The following CELF4 variants were observed in gnomAD, a reference collection of about 807,000 sequenced individuals.
The protein encoded by CELF4 is CUGBP Elav-like family member 4, also known as CUG-BP- and ETR-3-like factor 4.
CELF4 carries 18 observed loss-of-function variants against 59.9 expected under a neutral mutation model. The ratio of observed to expected loss-of-function variants is 0.30; its 90% CI spans 0.21 to 0.45. CELF4 has a LOEUF of 0.45. CELF4 is among the 20% of genes least tolerant of loss of function. The pLI, the probability that CELF4 is intolerant of heterozygous loss-of-function variation, is 1.00. For missense variants in CELF4, 456 were observed against 689.0 expected, an observed-to-expected ratio of 0.66 and a Z score of 3.79; for synonymous variants, 261 against 267.1, an observed-to-expected ratio of 0.98 and a Z score of 0.22.
intron 2 of CELF4, among the ~76,000 whole-genome samples, chr18:37,417,037 G>A (rs554221587): frequency 6.6e-6 from 1 of 151,316 alleles, no homozygotes; most frequent in African/African-American, 2.4e-5. Flanking sequence ...AGGAATGAAA[G>A]GAAATCATTA....
intron 2 of CELF4, among the ~76,000 whole-genome samples, chr18:37,456,227 T>C (rs1483158556): frequency 1.3e-5 from 2 of 152,094 alleles, no homozygotes; most frequent in Non-Finnish European, 2.9e-5. Flanking sequence ...GTCTGGCCTT[T>C]TGCTTCTGAG....
chr18:37,326,320 CTT>C (rs1436798251), intron 2 of CELF4, among the ~76,000 whole-genome samples: 1 of 152,188 alleles, frequency 6.6e-6, no homozygotes, highest in Non-Finnish European at 1.5e-5. Context: ...CTTCTTGTAA[CTT>C]TGCCCCCTGG....
At chr18:37,319,556 G>A (rs2097012931) in intron 3 of CELF4, among the ~76,000 whole-genome samples, 1 of 152,192 alleles carries the variant, frequency 6.6e-6, no homozygotes, top group Admixed American at 6.5e-5. Context: ...GGGGCTGGAG[G>A]GCAGAGGCCT....
intron 3 of CELF4, among the ~76,000 whole-genome samples, chr18:37,277,005 C>A (rs1180629668): frequency 6.6e-6 from 1 of 152,180 alleles, no homozygotes; most frequent in Non-Finnish European, 1.5e-5. Flanking sequence ...GAACCCCCAC[C>A]TTGCCCAAAT....
chr18:37,395,333 G>A (rs1398874478), intron 2 of CELF4, among the ~76,000 whole-genome samples: 1 of 151,982 alleles, frequency 6.6e-6, no homozygotes, highest in South Asian at 2.1e-4. Flanking sequence ...CTGCTCCCAC[G>A]GCGGGCTGGG....
At chr18:37,251,112 C>T (rs1025811335) in intron 12 of CELF4, among the ~76,000 whole-genome samples, 1 of 152,100 alleles carries the variant, frequency 6.6e-6, no homozygotes, top group Non-Finnish European at 1.5e-5. Context: ...GATGGGCAAG[C>T]TACTTAATCT....
chr18:37,266,153 C>A (rs921446674), intron 9 of CELF4: 2 of 367,242 alleles, frequency 5.4e-6, no homozygotes, highest in African/African-American at 4.2e-5. Context: ...GACTGTGGCC[C>A]ATGGTGGGCA....
chr18:37,300,558 C>T (rs1282241503), intron 3 of CELF4, among the ~76,000 whole-genome samples: 1 of 152,144 alleles, frequency 6.6e-6, no homozygotes, highest in Non-Finnish European at 1.5e-5. Context: ...CCCTGTGGGT[C>T]CCTGTCCTGC....
At chr18:37,475,775 A>T (rs1251097667) in intron 2 of CELF4, among the ~76,000 whole-genome samples, 1 of 152,196 alleles carries the variant, frequency 6.6e-6, no homozygotes, top group African/African-American at 2.4e-5. Flanking sequence ...ATCTCCAGAC[A>T]CATTTTCCCT....
chr18:37,398,442 C>G lies in CELF4; in HGVS notation c.370-76561G>C, dbSNP rs112482849. On this transcript the variant is annotated intron_variant, in intron 2 of 12. Transcript: ENST00000420428. ...TAGCTGCTCCATGATGTGGTTCTGG[C>G]ACGTGAGGGACCTTGAGGAGCAGAC... Among the ~76,000 whole-genome samples, 798 of 152,302 alleles carry G rather than the reference C, an allele frequency of 5.2e-3. 2 individuals are homozygous for G. The highest frequency in any genetic ancestry group is 0.027 in the South Asian group (128 of 4,828).
At chr18:37,350,005 C>T (rs1460701136) in intron 2 of CELF4, among the ~76,000 whole-genome samples, 1 of 152,096 alleles carries the variant, frequency 6.6e-6, no homozygotes, top group Non-Finnish European at 1.5e-5. Context: ...CACTGGCAGC[C>T]TCCAGGAGGA....
intron 1 of CELF4, among the ~76,000 whole-genome samples, chr18:37,497,465 A>G (rs567866383): frequency 7.2e-5 from 11 of 152,258 alleles, no homozygotes; most frequent in African/African-American, 2.2e-4. Context: ...CAGCCTGACC[A>G]ATATGGTGAA....
intron 2 of CELF4, among the ~76,000 whole-genome samples, chr18:37,408,181 C>A (rs1247992098): frequency 6.6e-6 from 1 of 152,156 alleles, no homozygotes; most frequent in African/African-American, 2.4e-5. Context: ...GTCTCCTGCT[C>A]TTAGACTGAT....
At chr18:37,292,958 C>T (rs1039861912) in intron 3 of CELF4, among the ~76,000 whole-genome samples, 3 of 152,230 alleles carry the variant, frequency 2.0e-5, no homozygotes, top group Non-Finnish European at 4.4e-5. Context: ...TTTAACTTCT[C>T]TTCAAGTGGC....
intron 2 of CELF4, among the ~76,000 whole-genome samples, chr18:37,398,943 C>T (rs372263991): frequency 2.0e-5 from 3 of 152,112 alleles, no homozygotes; most frequent in Non-Finnish European, 4.4e-5. Flanking sequence ...ATGCTTCACA[C>T]GTGACTGCTT....
intron 2 of CELF4, among the ~76,000 whole-genome samples, chr18:37,445,717 G>C (rs770012969): frequency 8.5e-5 from 13 of 152,106 alleles, no homozygotes; most frequent in Non-Finnish European, 1.8e-4. Context: ...AAAAGAGAAA[G>C]GGAGGCATAA....
At chr18:37,507,930 A>G (rs1020865607) in intron 1 of CELF4, among the ~76,000 whole-genome samples, 2 of 151,950 alleles carry the variant, frequency 1.3e-5, no homozygotes, top group African/African-American at 4.8e-5. Context: ...CAGCAGTTCT[A>G]CATTCCTCCC....
intron 10 of CELF4, among the ~76,000 whole-genome samples, chr18:37,260,604 T>C (rs1456463681): frequency 2.6e-5 from 4 of 152,210 alleles, no homozygotes; most frequent in Non-Finnish European, 5.9e-5. Flanking sequence ...GTCCTTGTTC[T>C]CTGGGAGCCA....
chr18:37,264,528 C>A, intron 10 of CELF4, 146 bp downstream of exon 10: 1 of 672,672 alleles, frequency 1.5e-6, no homozygotes. Context: ...CTCCTCACAG[C>A]ACTGCTGTCT....
Sources: gnomAD v4.1 joint callset for allele counts (sites outside exome capture counted in the v4.1 genomes callset) on GRCh38, gnomAD v4.1.1 for gene constraint, MANE v1.5 for transcripts, NCBI Gene and HGNC (gene_info 2026-07-23, HGNC 2026-07-21) for gene names.